The following ADRA1D variants were observed in gnomAD, a reference collection of about 807,000 sequenced individuals.
ADRA1D encodes the protein alpha-1D adrenergic receptor.
A neutral mutation model predicts 18.6 loss-of-function variants in ADRA1D; 22 were observed. That is an observed-to-expected ratio of 1.19 (90% CI 0.85 to 1.69). ADRA1D has a LOEUF of 1.69. ADRA1D is among the 40% of genes most tolerant of loss of function. The pLI, the probability that ADRA1D is intolerant of heterozygous loss-of-function variation, is 0.00. For missense variants in ADRA1D, 840 were observed against 840.7 expected, an observed-to-expected ratio of 1.00 and a Z score of 0.01; for synonymous variants, 376 against 388.2, an observed-to-expected ratio of 0.97 and a Z score of 0.37.
chr20:4,221,319 G>T lies in ADRA1D; in HGVS notation c.*204C>A. The T allele has an allele frequency of 1.9e-6, 1 of 532,668 alleles. No individual in the cohort carries two copies. The highest frequency in any genetic ancestry group is 3.2e-6 in the Non-Finnish European group (1 of 312,864). The allele number at this position is 532,668 out of a possible 1,614,324, so 33.0% of individuals were successfully genotyped here. Reference sequence around the variant, plus strand: ...TAAGAAAAGAGTTCTGGGCACCTGAGTCCAGCAGGGGGCCCCACTACTTTT... The same window carrying T: ...TAAGAAAAGAGTTCTGGGCACCTGATTCCAGCAGGGGGCCCCACTACTTTT... On this transcript the variant is annotated 3_prime_UTR_variant, in exon 2 of 2. Transcript: ENST00000379453.
At chr20:4,231,032 CTTTCTT>C (rs1568764532) in intron 1 of ADRA1D, among the ~76,000 whole-genome samples, 1 of 133,538 alleles carries the variant, frequency 7.5e-6, no homozygotes, top group African/African-American at 3.1e-5. Flanking sequence ...CTTTCTCTTT[CTTTCTT>C]TTTCTTTCTT....
chr20:4,241,145 T>C (rs559040306), intron 1 of ADRA1D, among the ~76,000 whole-genome samples: 1 of 152,124 alleles, frequency 6.6e-6, no homozygotes, highest in Non-Finnish European at 1.5e-5. Flanking sequence ...AATAAGCCAG[T>C]CACAGAAGGA....
At position 4,227,952 on chromosome 20, in the gene ADRA1D, C is replaced by G. The variant is rs139115955; in HGVS notation, c.1112-5822G>C. 6.3e-3 allele frequency among the ~76,000 whole-genome samples: 962 copies of G among 152,184 alleles called. 3 individuals carry two copies. The highest frequency in any genetic ancestry group is 0.01 in the Non-Finnish European group (692 of 68,014). On this transcript the variant is annotated intron_variant, in intron 1 of 1. Coordinates refer to ENST00000379453, the MANE Select transcript of ADRA1D (RefSeq NM_000678.4). ...GGCCTTCCTGCTCCTGCCTTGTGCC[C>G]GCCCCCGGCTCCGAAGCTTGCTCTC...
rs778716100 is a variant in ADRA1D at position 4,221,501 on chromosome 20, C to A, written c.*22G>T. On this transcript the variant is annotated 3_prime_UTR_variant, in exon 2 of 2. Transcript: ENST00000379453. ...CCCTTACCCCCAAGCCCAGCACACTCCGCGGCCTAGCTCTGGGGTCCTTAA... is the reference window on the plus strand; with the variant it reads ...CCCTTACCCCCAAGCCCAGCACACTACGCGGCCTAGCTCTGGGGTCCTTAA... The A allele has an allele frequency of 6.3e-7, 1 of 1,588,604 alleles. No individual in the cohort carries two copies. Among genetic ancestry groups the A allele is most frequent in the Non-Finnish European group, 8.6e-7 (1 of 1,162,328 alleles).
chr20:4,230,882 C>T (rs2122662006), intron 1 of ADRA1D, among the ~76,000 whole-genome samples: 1 of 152,288 alleles, frequency 6.6e-6, no homozygotes, highest in East Asian at 1.9e-4. Flanking sequence ...AGGTGTCTCC[C>T]CACCCAGCCT....
At chr20:4,244,504 C>T (rs1981288989) in intron 1 of ADRA1D, among the ~76,000 whole-genome samples, 1 of 152,228 alleles carries the variant, frequency 6.6e-6, no homozygotes, top group African/African-American at 2.4e-5. Context: ...CTCCTGCAAC[C>T]ATCCCCATCT....
In ADRA1D at chr20:4,248,011, TCGGCGCCCGTGGCCGCGC is replaced by T; in HGVS notation, c.929_946del (p.Gly310_Ala315del). On this transcript the variant is annotated inframe_deletion, in exon 1 of 2. Coordinates refer to ENST00000379453, the MANE Select transcript of ADRA1D (RefSeq NM_000678.4). ...GGCGCTGCGCATGCCGTGCGCCCCGTCGGCGCCCGTGGCCGCGCCGCGACAGTGGATGCGCAGCACCAC... is the reference window on the plus strand; with the variant it reads ...GGCGCTGCGCATGCCGTGCGCCCCGTCGCGACAGTGGATGCGCAGCACCAC... 1 of 1,558,158 alleles carries T rather than the reference TCGGCGCCCGTGGCCGCGC, an allele frequency of 6.4e-7. No homozygotes were observed.
chr20:4,237,735 T>G (rs1204173955), intron 1 of ADRA1D, among the ~76,000 whole-genome samples: 3 of 150,334 alleles, frequency 2.0e-5, no homozygotes, highest in African/African-American at 7.3e-5. Context: ...CTCGGCTCAC[T>G]GCACTGCAAC....
chr20:4,232,676 C>T (rs1284576545), intron 1 of ADRA1D, among the ~76,000 whole-genome samples: 1 of 152,212 alleles, frequency 6.6e-6, no homozygotes, highest in Admixed American at 6.5e-5. Context: ...GATGTTGGTG[C>T]CCTGCCCAGG....
At chr20:4,238,230 G>T (rs887528899) in intron 1 of ADRA1D, among the ~76,000 whole-genome samples, 1 of 151,822 alleles carries the variant, frequency 6.6e-6, no homozygotes, top group Non-Finnish European at 1.5e-5. Context: ...TCCAACCTGG[G>T]TGACAGAGCA....
At chr20:4,231,954 C>T (rs936759419) in intron 1 of ADRA1D, among the ~76,000 whole-genome samples, 9 of 152,056 alleles carry the variant, frequency 5.9e-5, no homozygotes, top group African/African-American at 2.2e-4. Context: ...GCTCTCTTGC[C>T]CAGGCTGGAG....
At chr20:4,245,756 G>A (rs1981321949) in intron 1 of ADRA1D, among the ~76,000 whole-genome samples, 1 of 152,170 alleles carries the variant, frequency 6.6e-6, no homozygotes, top group African/African-American at 2.4e-5. Context: ...GCACAGCTGG[G>A]CAAGGCTGGA....
At chr20:4,242,883 T>G (rs1234252027) in intron 1 of ADRA1D, among the ~76,000 whole-genome samples, 1 of 152,014 alleles carries the variant, frequency 6.6e-6, no homozygotes, top group Admixed American at 6.5e-5. Flanking sequence ...TGTTTGTGTG[T>G]GTATGTAGGT....
intron 1 of ADRA1D, among the ~76,000 whole-genome samples, chr20:4,235,165 T>C (rs1873750610): frequency 6.6e-6 from 1 of 152,154 alleles, no homozygotes; most frequent in East Asian, 1.9e-4. Context: ...ATGCGCCGGG[T>C]GTAGGTCAGA....
At chr20:4,234,175 T>C (rs1347157969) in intron 1 of ADRA1D, among the ~76,000 whole-genome samples, 2 of 152,164 alleles carry the variant, frequency 1.3e-5, no homozygotes, top group African/African-American at 4.8e-5. Context: ...AGCCAGTCCA[T>C]TTTCCTAAGG....
At chr20:4,227,723 C>T (rs1009875075) in intron 1 of ADRA1D, among the ~76,000 whole-genome samples, 1 of 119,140 alleles carries the variant, frequency 8.4e-6, no homozygotes, top group Non-Finnish European at 1.8e-5. Flanking sequence ...TCCTTCCTTC[C>T]TTCCTTCCTT....
chr20:4,227,714 CCTTCCTTCCTTCCTT>C (rs1433886556), intron 1 of ADRA1D, among the ~76,000 whole-genome samples: 2 of 35,248 alleles, frequency 5.7e-5, no homozygotes, highest in East Asian at 1.6e-3. Flanking sequence ...CTCCTTCCTT[CCTTCCTTCCTTCCTT>C]CCTTCCTTCC....
chr20:4,223,573 G>A (rs1473055644), intron 1 of ADRA1D, among the ~76,000 whole-genome samples: 1 of 152,146 alleles, frequency 6.6e-6, no homozygotes, highest in Non-Finnish European at 1.5e-5. Context: ...TGATGATGGT[G>A]GTGCTCAGTG....
In ADRA1D at chr20:4,221,422, C is replaced by T; in HGVS notation, c.*101G>A. Reference sequence around the variant, plus strand: ...CAGAGCAGCTGCCCTGATCAGTTTCCGGGTCTCCGATTTGCACGGGGGCTC... The same window carrying T: ...CAGAGCAGCTGCCCTGATCAGTTTCTGGGTCTCCGATTTGCACGGGGGCTC... On this transcript the variant is annotated 3_prime_UTR_variant, in exon 2 of 2. Transcript: ENST00000379453. 3 of 1,316,516 alleles carry T rather than the reference C, an allele frequency of 2.3e-6. No homozygotes were observed. The highest frequency in any genetic ancestry group is 2.4e-5 in the East Asian group (1 of 42,500). 81.6% of individuals were successfully genotyped at this position (1,316,516 alleles called of 1,614,324 possible). A position where few individuals can be genotyped will look rare whatever the true frequency, so the allele number is the denominator to read the frequency against.
Sources: allele counts gnomAD v4.1 joint callset (sites outside exome capture counted in the v4.1 genomes callset), GRCh38; gene constraint gnomAD v4.1.1; transcripts MANE v1.5; gene names NCBI Gene and HGNC (gene_info 2026-07-23, HGNC 2026-07-21).